Variants in OR1J2 observed in about 807,000 individuals in gnomAD.
The protein encoded by OR1J2 is olfactory receptor 1J2.
For synonymous variants in OR1J2, 142 were observed against 99.7 expected, an observed-to-expected ratio of 1.42 and a Z score of -2.52; for missense variants, 304 against 246.1, an observed-to-expected ratio of 1.24 and a Z score of -1.57.
the OR1J2 span, among the ~76,000 whole-genome samples, chr9:122,537,911 G>A: frequency 6.6e-6 from 1 of 152,208 alleles, no homozygotes; most frequent in Non-Finnish European, 1.5e-5. Flanking sequence ...ATAAGAAAGT[G>A]ATGAGGGCTG....
the OR1J2 span, among the ~76,000 whole-genome samples, chr9:122,503,022 G>A: frequency 6.6e-6 from 1 of 152,176 alleles, no homozygotes; most frequent in Non-Finnish European, 1.5e-5. Flanking sequence ...ATCTACAGGT[G>A]GTTGCCTTAG....
chr9:122,554,037 A>G, the OR1J2 span: 1 of 1,613,840 alleles, frequency 6.2e-7, no homozygotes, highest in Non-Finnish European at 8.5e-7. Context: ...GAGGGAAAGT[A>G]GGGCTGCTGT....
the OR1J2 span, chr9:122,526,282 T>G: frequency 1.2e-6 from 1 of 806,912 alleles, no homozygotes; most frequent in Non-Finnish European, 1.9e-6. Flanking sequence ...GGCTAGTGTG[T>G]GGTAGACCCC....
the OR1J2 span, among the ~76,000 whole-genome samples, chr9:122,572,024 C>T: frequency 2.6e-5 from 4 of 152,144 alleles, no homozygotes; most frequent in African/African-American, 9.7e-5. Flanking sequence ...AACTTTTATT[C>T]ATGGTGGAAG....
the OR1J2 span, among the ~76,000 whole-genome samples, chr9:122,489,180 G>C: frequency 6.6e-6 from 1 of 152,134 alleles, no homozygotes; most frequent in Admixed American, 6.6e-5. Flanking sequence ...ACAAAGGGGG[G>C]CATCAAACCC....
the OR1J2 span, chr9:122,526,539 G>T: frequency 5.0e-6 from 8 of 1,609,480 alleles, no homozygotes; most frequent in Non-Finnish European, 5.9e-6. Flanking sequence ...ACTGAAGAGG[G>T]TCCCATAGAA....
the OR1J2 span, among the ~76,000 whole-genome samples, chr9:122,448,158 G>A: frequency 5.1e-4 from 77 of 152,290 alleles, no homozygotes; most frequent in East Asian, 0.012. Context: ...GGAGAACAGG[G>A]TGATAGTGGG....
At chr9:122,503,962 T>G in the OR1J2 span, among the ~76,000 whole-genome samples, 2 of 152,138 alleles carry the variant, frequency 1.3e-5, no homozygotes, top group Non-Finnish European at 2.9e-5. Context: ...AGCCCAGGAC[T>G]TTTTGTCTCT....
chr9:122,556,785 A>G, the OR1J2 span, among the ~76,000 whole-genome samples: 1 of 152,186 alleles, frequency 6.6e-6, no homozygotes, highest in Non-Finnish European at 1.5e-5. Flanking sequence ...GATATCCACA[A>G]AGTAACTTGC....
At chr9:122,476,791 C>T in the OR1J2 span, among the ~76,000 whole-genome samples, 2 of 152,026 alleles carry the variant, frequency 1.3e-5, no homozygotes, top group African/African-American at 4.8e-5. Context: ...CTGCAACCTC[C>T]GCCTCCTGGG....
the OR1J2 span, chr9:122,477,906 G>T: frequency 8.1e-6 from 13 of 1,603,390 alleles, no homozygotes; most frequent in South Asian, 1.1e-5. Context: ...CGGACACGCT[G>T]CTCTGGTTCT....
At chr9:122,556,617 T>A in the OR1J2 span, among the ~76,000 whole-genome samples, 537 of 152,244 alleles carry the variant, frequency 3.5e-3, 1 homozygote, top group Non-Finnish European at 6.3e-3. Context: ...CAAACCACCA[T>A]GGCACATGTA....
the OR1J2 span, among the ~76,000 whole-genome samples, chr9:122,518,821 T>C: frequency 6.6e-6 from 1 of 152,234 alleles, no homozygotes; most frequent in Admixed American, 6.5e-5. Flanking sequence ...TTTTTAAAAG[T>C]ACATAAACAA....
the OR1J2 span, chr9:122,478,004 G>A: frequency 2.0e-6 from 2 of 993,146 alleles, no homozygotes; most frequent in Admixed American, 4.6e-5. Flanking sequence ...TGATAACTGT[G>A]GCATAGTATA....
At chr9:122,505,156 C>G in the OR1J2 span, among the ~76,000 whole-genome samples, 1 of 152,172 alleles carries the variant, frequency 6.6e-6, no homozygotes, top group Non-Finnish European at 1.5e-5. Flanking sequence ...CTCTCTCAGT[C>G]TGTTATCTGT....
At chr9:122,504,402 G>A in the OR1J2 span, among the ~76,000 whole-genome samples, 5 of 152,190 alleles carry the variant, frequency 3.3e-5, no homozygotes, top group Non-Finnish European at 4.4e-5. Flanking sequence ...GTCTGAACCA[G>A]CTGCAGAATC....
At chr9:122,570,929 C>T in the OR1J2 span, among the ~76,000 whole-genome samples, 1 of 152,140 alleles carries the variant, frequency 6.6e-6, no homozygotes, top group Non-Finnish European at 1.5e-5. Context: ...TTTTTACATA[C>T]AGGAGGCTTA....
chr9:122,493,469 G>A, the OR1J2 span, among the ~76,000 whole-genome samples: 1 of 151,948 alleles, frequency 6.6e-6, no homozygotes, highest in Non-Finnish European at 1.5e-5. Context: ...CATCTCCTAG[G>A]TTTTCTAGTA....
At chr9:122,466,641 C>T in the OR1J2 span, among the ~76,000 whole-genome samples, 5 of 152,184 alleles carry the variant, frequency 3.3e-5, no homozygotes, top group Admixed American at 2.6e-4. Context: ...GCTGTGCCAA[C>T]GTTCCAGATG....
Sources: allele counts gnomAD v4.1 joint callset (sites outside exome capture counted in the v4.1 genomes callset), GRCh38; gene constraint gnomAD v4.1.1; transcripts MANE v1.5; gene names NCBI Gene and HGNC (gene_info 2026-07-23, HGNC 2026-07-21).